Variants in RNF6 observed in about 807,000 individuals in gnomAD.
RNF6 encodes the protein ring finger protein 6.
In RNF6, 21 loss-of-function variants were observed where a neutral mutation model predicts 50.1. That is an observed-to-expected ratio of 0.42 (90% confidence interval 0.30 to 0.60). The LOEUF is 0.60. RNF6 is among the 20% of genes least tolerant of loss of function. The pLI is 0.20. For missense variants in RNF6, 698 were observed against 838.2 expected, an observed-to-expected ratio of 0.83 and a Z score of 2.07; for synonymous variants, 255 against 291.8, an observed-to-expected ratio of 0.87 and a Z score of 1.29.
At chr13:26,218,054 C>T (rs1435267568) in intron 4 of RNF6, among the ~76,000 whole-genome samples, 1 of 152,200 alleles carries the variant, frequency 6.6e-6, no homozygotes, top group Non-Finnish European at 1.5e-5. Flanking sequence ...ACTCTACATA[C>T]TTCATTTAGT....
At chr13:26,153,783 T>C (rs989767786) in intron 5 of RNF6, among the ~76,000 whole-genome samples, 4 of 152,104 alleles carry the variant, frequency 2.6e-5, no homozygotes, top group African/African-American at 9.7e-5. Context: ...GGAGGTGCCA[T>C]AAAATGACCG....
chr13:26,178,472 A>G (rs1486496555), intron 5 of RNF6, among the ~76,000 whole-genome samples: 1 of 135,972 alleles, frequency 7.4e-6, no homozygotes, highest in Non-Finnish European at 1.6e-5. Flanking sequence ...TCCTAATACC[A>G]TCATCTGGGG....
In RNF6 at chr13:26,214,906, A is replaced by T. The variant is rs768282351; in HGVS notation, c.976T>A (p.Ser326Thr). Residue 326 changes from serine (S) to threonine (T), a missense_variant, in exon 5 of 5, where the codon TCC (serine) becomes ACC (threonine). Coordinates refer to ENST00000381588, the MANE Select transcript of RNF6 (RefSeq NM_005977.4). ...QRQSGTVYHN[S>T]QRESRPVQQT... is the part of the protein sequence containing the mutation. ...TGTACTGGTCTACTTTCCCTTTGGG[A>T]ATTATGATAAACAGTGCCACTCTGT... 3.1e-6 allele frequency: 5 copies of T among 1,614,108 alleles called. No individual in the cohort carries two copies. Among genetic ancestry groups the T allele is most frequent in the Non-Finnish European group, 4.2e-6 (5 of 1,180,048 alleles).
intron 5 of RNF6, among the ~76,000 whole-genome samples, chr13:26,183,787 C>G (rs929810795): frequency 1.3e-5 from 2 of 151,240 alleles, no homozygotes; most frequent in Admixed American, 1.3e-4. Flanking sequence ...CACTCATATT[C>G]TCACAGAAAG....
At chr13:26,160,131 T>C (rs1202124421) in intron 5 of RNF6, among the ~76,000 whole-genome samples, 1 of 152,154 alleles carries the variant, frequency 6.6e-6, no homozygotes, top group Non-Finnish European at 1.5e-5. Flanking sequence ...TCCTGAAATA[T>C]ATTGAGCTGT....
chr13:26,194,828 A>G (rs1479713505), intron 5 of RNF6, among the ~76,000 whole-genome samples: 1 of 152,206 alleles, frequency 6.6e-6, no homozygotes, highest in African/African-American at 2.4e-5. Flanking sequence ...AGGCTAGGCC[A>G]GTCTTGTCTT....
chr13:26,190,255 G>A (rs991672802), intron 5 of RNF6, among the ~76,000 whole-genome samples: 3 of 152,166 alleles, frequency 2.0e-5, no homozygotes, highest in Non-Finnish European at 4.4e-5. Context: ...GATTGGGCCC[G>A]CCCTGATAAT....
intron 3 of RNF6, chr13:26,219,200 C>T (rs1029034101): frequency 3.3e-6 from 1 of 307,494 alleles, no homozygotes; most frequent in Non-Finnish European, 5.9e-6. Flanking sequence ...AAATACTTAA[C>T]ACCATTATGT....
intron 5 of RNF6, among the ~76,000 whole-genome samples, chr13:26,204,445 C>T (rs144621745): frequency 7.2e-6 from 1 of 139,028 alleles, no homozygotes; most frequent in Non-Finnish European, 1.5e-5. Context: ...TGCAGTGAGC[C>T]GAGATTGCAC....
intron 4 of RNF6, among the ~76,000 whole-genome samples, chr13:26,217,987 C>T (rs916711353): frequency 6.6e-6 from 1 of 152,090 alleles, no homozygotes; most frequent in Non-Finnish European, 1.5e-5. Context: ...TAATAAATAC[C>T]TCTGAGGAGG....
rs796574153 is a variant in RNF6, at chr13:26,181,167, G to A, written n.768+34307C>T. ...CAGGTACTCCTTGGTTCCATTCCCC[G>A]CCCCTGTGCACCCAGGAAAAGCAGC... is the stretch of plus-strand genomic sequence containing the variant. On this transcript the variant is annotated intron_variant and non_coding_transcript_variant, in intron 5 of 5. Coordinates refer to the RNF6 transcript ENST00000468480. 5.3e-5 allele frequency among the ~76,000 whole-genome samples: 8 copies of A among 152,214 alleles called. No individual in the cohort carries two copies. In the South Asian group the frequency reaches 8.3e-4, roughly 16 times the overall value.
At chr13:26,210,752 G>C (rs1444964232), downstream of RNF6, among the ~76,000 whole-genome samples, 2 of 152,176 alleles carry the variant, frequency 1.3e-5, no homozygotes, top group African/African-American at 2.4e-5. Context: ...ACTAAGTTAG[G>C]TAGCAAAAAT....
At chr13:26,179,377 A>C (rs1249433665) in intron 5 of RNF6, among the ~76,000 whole-genome samples, 1 of 152,212 alleles carries the variant, frequency 6.6e-6, no homozygotes, top group Non-Finnish European at 1.5e-5. Flanking sequence ...GGAGAGCTGC[A>C]TGGAGTGAAT....
At chr13:26,149,993 T>C (rs916174387) in intron 5 of RNF6, among the ~76,000 whole-genome samples, 1 of 130,188 alleles carries the variant, frequency 7.7e-6, no homozygotes, top group African/African-American at 3.2e-5. Flanking sequence ...TGTATATATA[T>C]ATACACAGTG....
intron 5 of RNF6, among the ~76,000 whole-genome samples, chr13:26,182,588 C>T (rs987662033): frequency 4.0e-5 from 6 of 151,858 alleles, no homozygotes; most frequent in Admixed American, 2.0e-4. Context: ...AGAGGTGGGC[C>T]GATTGCTTCA....
At chr13:26,164,803 TCTC>T (rs1317631510) in intron 5 of RNF6, among the ~76,000 whole-genome samples, 6 of 152,140 alleles carry the variant, frequency 3.9e-5, no homozygotes, top group African/African-American at 1.2e-4. Context: ...TAAACAATCT[TCTC>T]CTGAATGACT....
At chr13:26,186,183 T>A (rs773093755) in intron 5 of RNF6, among the ~76,000 whole-genome samples, 3 of 152,160 alleles carry the variant, frequency 2.0e-5, no homozygotes, top group Non-Finnish European at 2.9e-5. Flanking sequence ...GTCAGAGTCA[T>A]GATACACACA....
intron 5 of RNF6, among the ~76,000 whole-genome samples, chr13:26,154,755 C>A (rs183571238): frequency 6.6e-6 from 1 of 152,180 alleles, no homozygotes; most frequent in African/African-American, 2.4e-5. Context: ...CCCGGCTGGG[C>A]GTTGTGGCTC....
chr13:26,188,878 T>C (rs1463969827), intron 5 of RNF6, among the ~76,000 whole-genome samples: 1 of 151,948 alleles, frequency 6.6e-6, no homozygotes, highest in Non-Finnish European at 1.5e-5. Context: ...TCTGCCCACC[T>C]TGGCCTCCCA....
Sources: gnomAD v4.1 joint callset for allele counts (sites outside exome capture counted in the v4.1 genomes callset) on GRCh38, gnomAD v4.1.1 for gene constraint, MANE v1.5 for transcripts, NCBI Gene and HGNC (gene_info 2026-07-23, HGNC 2026-07-21) for gene names.